Variants in SUDS3 observed in about 807,000 individuals in gnomAD.
The protein encoded by SUDS3 is sin3 histone deacetylase corepressor complex component SDS3.
SUDS3 carries 23 observed loss-of-function variants against 53.5 expected under a neutral mutation model. The observed-to-expected ratio is 0.43, with a 90% CI of 0.31 to 0.61. The LOEUF is 0.61. Ranked by LOEUF, SUDS3 falls within the 20% of genes least tolerant of loss-of-function variation. The pLI is 0.10. For synonymous variants in SUDS3, 150 were observed against 148.5 expected, an observed-to-expected ratio of 1.01 and a Z score of -0.08; for missense variants, 291 against 405.9, an observed-to-expected ratio of 0.72 and a Z score of 2.43.
chr12:118,387,557 C>CTT (rs957059278), intron 4 of SUDS3, among the ~76,000 whole-genome samples: 9 of 145,458 alleles, frequency 6.2e-5, no homozygotes, highest in South Asian at 2.2e-4. Context: ...CTCATGTGTT[C>CTT]TTTTTTTTTT....
At position 118,403,451 on chromosome 12, in the gene SUDS3, C is replaced by T. The variant is rs763836948; in HGVS notation, c.737C>T (p.Ala246Val). The T allele has an allele frequency of 1.6e-5, 26 of 1,613,580 alleles. No homozygotes were observed. Among genetic ancestry groups the T allele is most frequent in the South Asian group, 9.9e-5 (9 of 90,950 alleles). The part of the protein sequence containing the change: ...SSPEHLPATP[A>V]ESPAQRFEAR... ...CCTGAGCACTTGCCTGCAACACCCG[C>T]GGAATCTCCAGCCCAGAGGTTCGAA... Residue 246 changes from alanine to valine, a missense_variant, in exon 10 of 12, where the codon GCG becomes GTG. Physicochemically the swap from Ala to Val is moderately conservative, Grantham distance 64 (BLOSUM62 0). Around this residue, in one of 4 missense-constraint regions of SUDS3, gnomAD observed 77 missense variants for 87.1 expected, o/e 0.88. Transcript: ENST00000543473.
intron 4 of SUDS3, among the ~76,000 whole-genome samples, chr12:118,386,717 C>A (rs550135402): frequency 1.3e-5 from 2 of 152,060 alleles, no homozygotes; most frequent in African/African-American, 4.8e-5. Flanking sequence ...CTAAGCACTG[C>A]GAGCAATATA....
intron 7 of SUDS3, among the ~76,000 whole-genome samples, chr12:118,401,273 C>G (rs2046260425): frequency 6.6e-6 from 1 of 152,206 alleles, no homozygotes. Flanking sequence ...AGCGTTGTTT[C>G]TGTTCCTTTC....
In SUDS3 at chr12:118,414,549, G is replaced by C; in HGVS notation, c.*116G>C. The C allele has an allele frequency of 1.2e-6, 1 of 842,914 alleles. No homozygotes were observed. The highest frequency in any genetic ancestry group is 1.9e-5 in the South Asian group (1 of 53,326). The allele number at this position is 842,914 out of a possible 1,614,324, so 52.2% of individuals were successfully genotyped here. A position where few individuals can be genotyped will look rare whatever the true frequency, so the allele number is the denominator to read the frequency against. ...TTACTGGGAATAGCTACTCAGCCTTGGAAATGGAGAGCACTGCAGTGAATT... is the reference window on the plus strand; with the variant it reads ...TTACTGGGAATAGCTACTCAGCCTTCGAAATGGAGAGCACTGCAGTGAATT... On this transcript the variant is annotated 3_prime_UTR_variant, in exon 12 of 12. Transcript: ENST00000543473.
intron 1 of SUDS3, among the ~76,000 whole-genome samples, chr12:118,378,006 G>T (rs982839405): frequency 3.3e-5 from 5 of 152,182 alleles, no homozygotes; most frequent in Admixed American, 3.3e-4. Context: ...GACTGCATTC[G>T]ATTTAATTCC....
intron 4 of SUDS3, among the ~76,000 whole-genome samples, chr12:118,388,829 A>G (rs1344365316): frequency 6.6e-6 from 1 of 152,150 alleles, no homozygotes; most frequent in Non-Finnish European, 1.5e-5. Flanking sequence ...TCCTTACCAC[A>G]TATAGCCCTT....
At chr12:118,410,172 C>T (rs2046345660) in intron 10 of SUDS3, among the ~76,000 whole-genome samples, 1 of 152,200 alleles carries the variant, frequency 6.6e-6, no homozygotes, top group Admixed American at 6.5e-5. Flanking sequence ...CTGTTTGTCC[C>T]CAGCCTCCAG....
intron 6 of SUDS3, among the ~76,000 whole-genome samples, chr12:118,396,628 T>A (rs897724344): frequency 2.6e-5 from 4 of 152,264 alleles, no homozygotes; most frequent in Non-Finnish European, 5.9e-5. Context: ...AAATATGAGC[T>A]TGTTTTAATA....
intron 1 of SUDS3, among the ~76,000 whole-genome samples, chr12:118,378,064 A>C (rs986174190): frequency 3.9e-5 from 6 of 152,236 alleles, no homozygotes; most frequent in Non-Finnish European, 7.3e-5. Flanking sequence ...AAGCACTTGC[A>C]CTTCATCTCA....
intron 11 of SUDS3, among the ~76,000 whole-genome samples, chr12:118,412,026 C>T (rs976424169): frequency 6.6e-6 from 1 of 152,194 alleles, no homozygotes; most frequent in Non-Finnish European, 1.5e-5. Context: ...TGCCGTCTTT[C>T]CTAGCTGAGA....
At chr12:118,403,366 A>T (rs769022479) in intron 9 of SUDS3, 46 bp from the exon 10 acceptor site, 1 of 1,427,266 alleles carries the variant, frequency 7.0e-7, no homozygotes, top group African/African-American at 1.4e-5. Context: ...GTAGACTCGC[A>T]TGTGTTTGTT....
At chr12:118,403,938 G>A (rs76173330) in intron 10 of SUDS3, 1 of 187,074 alleles carries the variant, frequency 5.3e-6, no homozygotes, top group Non-Finnish European at 1.1e-5. Flanking sequence ...TAAGATAAGT[G>A]GGTTGCTCCC....
chr12:118,392,807 T>C (rs982032773), intron 6 of SUDS3, among the ~76,000 whole-genome samples: 1 of 152,226 alleles, frequency 6.6e-6, no homozygotes, highest in African/African-American at 2.4e-5. Flanking sequence ...CCTTTCCGTC[T>C]GTGGGGAACG....
intron 10 of SUDS3, among the ~76,000 whole-genome samples, chr12:118,408,372 C>T (rs1020080962): frequency 6.6e-6 from 1 of 150,996 alleles, no homozygotes; most frequent in African/African-American, 2.4e-5. Flanking sequence ...CTCGTTCTTC[C>T]AGCCAGGCTG....
chr12:118,407,543 C>T (rs1244260897), intron 10 of SUDS3, among the ~76,000 whole-genome samples: 2 of 152,066 alleles, frequency 1.3e-5, no homozygotes, highest in South Asian at 2.1e-4. Flanking sequence ...TCTGGGTGTT[C>T]GCTTTTAAGT....
At chr12:118,401,736 T>C (rs1429620782) in intron 7 of SUDS3, 23 bp from the exon 8 acceptor site, 4 of 1,606,606 alleles carry the variant, frequency 2.5e-6, no homozygotes, top group Middle Eastern at 1.7e-4. Context: ...ACTTTTCACA[T>C]ACAGTCCTTT....
At chr12:118,382,692 G>A (rs1186455732) in intron 2 of SUDS3, among the ~76,000 whole-genome samples, 3 of 149,070 alleles carry the variant, frequency 2.0e-5, no homozygotes, top group Non-Finnish European at 4.4e-5. Flanking sequence ...TTAAGAGACA[G>A]GGTCTTGCTC....
chr12:118,404,692 C>T (rs2046294687), intron 10 of SUDS3, among the ~76,000 whole-genome samples: 1 of 152,048 alleles, frequency 6.6e-6, no homozygotes, highest in Non-Finnish European at 1.5e-5. Context: ...GTTTGCTTTG[C>T]CTTTCTGTTT....
chr12:118,389,962 C>A lies in SUDS3; in HGVS notation c.360+16C>A. ...CCAGCTGGAAGTAAGTACCACGGAT[C>A]TTCTGGGTTTGCAGGCCCTGTCTGA... is the stretch of plus-strand genomic sequence containing the variant. On this transcript the variant is annotated intron_variant, in intron 5 of 11. Coordinates refer to ENST00000543473, the MANE Select transcript of SUDS3 (RefSeq NM_022491.3). 6.2e-7 allele frequency: 1 copy of A among 1,614,002 alleles called. No individual in the cohort carries two copies. The highest frequency in any genetic ancestry group is 1.7e-4 in the Middle Eastern group (1 of 6,060).
Sources: allele counts gnomAD v4.1 joint callset (sites outside exome capture counted in the v4.1 genomes callset), GRCh38; gene constraint gnomAD v4.1.1; regional missense constraint gnomAD v4.1.1; transcripts MANE v1.5; gene names NCBI Gene and HGNC (gene_info 2026-07-23, HGNC 2026-07-21).